The following NKAIN2 variants were observed in gnomAD, a reference collection of about 807,000 sequenced individuals.
NKAIN2 encodes sodium/potassium-transporting ATPase subunit beta-1-interacting protein 2.
In NKAIN2, 14 loss-of-function variants were observed where a neutral mutation model predicts 32.6. The observed-to-expected ratio is 0.43, with a 90% CI of 0.28 to 0.67. The LOEUF is 0.67. Among genes scored for constraint, NKAIN2 ranks in the 30% least tolerant of loss-of-function variants. The probability of loss-of-function intolerance (pLI) is 0.17; values close to 1 mark genes in which losing one functional copy is unlikely to be tolerated. For missense variants in NKAIN2, 198 were observed against 258.3 expected, an observed-to-expected ratio of 0.77 and a Z score of 1.60; for synonymous variants, 80 against 87.2, an observed-to-expected ratio of 0.92 and a Z score of 0.46.
At chr6:124,667,859 T>TA (rs1041948389) in intron 4 of NKAIN2, among the ~76,000 whole-genome samples, 116 of 152,086 alleles carry the variant, frequency 7.6e-4, no homozygotes, top group Non-Finnish European at 1.2e-3. Flanking sequence ...TTTTACACAG[T>TA]AAAAAAAGAG....
chr6:124,125,285 G>T (rs1285982379), intron 1 of NKAIN2, among the ~76,000 whole-genome samples: 1 of 152,116 alleles, frequency 6.6e-6, no homozygotes, highest in African/African-American at 2.4e-5. Context: ...ATGCACACGA[G>T]TGCACACTGT....
At chr6:124,681,065 G>A (rs1773599095) in intron 4 of NKAIN2, among the ~76,000 whole-genome samples, 1 of 151,782 alleles carries the variant, frequency 6.6e-6, no homozygotes, top group African/African-American at 2.4e-5. Context: ...AGATTATTTA[G>A]TATAATTTCT....
At chr6:123,872,829 G>A (rs1278391974) in intron 1 of NKAIN2, among the ~76,000 whole-genome samples, 2 of 152,098 alleles carry the variant, frequency 1.3e-5, no homozygotes, top group African/African-American at 4.8e-5. Context: ...TGTCTAAAAG[G>A]TAAGTGTGAT....
At chr6:124,751,599 T>C (rs993966757) in intron 4 of NKAIN2, among the ~76,000 whole-genome samples, 1 of 151,868 alleles carries the variant, frequency 6.6e-6, no homozygotes, top group Non-Finnish European at 1.5e-5. Flanking sequence ...GTCTATTCAT[T>C]AGCAAATTGC....
intron 3 of NKAIN2, among the ~76,000 whole-genome samples, chr6:124,510,752 T>C (rs1778679413): frequency 6.6e-6 from 1 of 152,174 alleles, no homozygotes; most frequent in Non-Finnish European, 1.5e-5. Flanking sequence ...ACCCTTCTTG[T>C]TACAATTATT....
intron 3 of NKAIN2, among the ~76,000 whole-genome samples, chr6:124,652,115 C>T (rs1784389015): frequency 6.6e-6 from 1 of 152,294 alleles, no homozygotes; most frequent in South Asian, 2.1e-4. Flanking sequence ...ATTTCTTCTG[C>T]CAGATATCCT....
chr6:124,179,679 C>A (rs537543987), intron 1 of NKAIN2, among the ~76,000 whole-genome samples: 1 of 152,216 alleles, frequency 6.6e-6, no homozygotes, highest in Admixed American at 6.5e-5. Context: ...CATGGGTAGG[C>A]GCTGGATATT....
Position 124,170,872 on chromosome 6 carries a change from A to T in NKAIN2, c.55-112133A>T, listed in dbSNP as rs190494342. The stretch of plus-strand genomic sequence containing the variant: ...CTTTCGGTAAACTGATAATTTTCTG[A>T]CAAAATTTATCACATTTGACTCATT... On this transcript the variant is annotated intron_variant, in intron 1 of 6. Coordinates refer to ENST00000368417, the MANE Select transcript of NKAIN2 (RefSeq NM_001040214.3). 2.2e-3 allele frequency among the ~76,000 whole-genome samples: 333 copies of T among 152,282 alleles called. 2 individuals carry two copies. The highest frequency in any genetic ancestry group is 3.5e-3 in the Non-Finnish European group (240 of 68,004).
intron 1 of NKAIN2, among the ~76,000 whole-genome samples, chr6:124,105,615 T>C (rs1785081476): frequency 6.6e-6 from 1 of 152,188 alleles, no homozygotes; most frequent in African/African-American, 2.4e-5. Context: ...GATTGATTTT[T>C]ATAAAAAGAT....
At chr6:124,193,725 C>T (rs1194185246) in intron 1 of NKAIN2, among the ~76,000 whole-genome samples, 1 of 151,992 alleles carries the variant, frequency 6.6e-6, no homozygotes, top group Non-Finnish European at 1.5e-5. Context: ...GTGGAGGGTG[C>T]GCAAGGAGAA....
intron 6 of NKAIN2, among the ~76,000 whole-genome samples, chr6:124,822,923 A>G (rs1781451099): frequency 6.6e-6 from 1 of 152,224 alleles, no homozygotes; most frequent in South Asian, 2.1e-4. Context: ...CCTATAATAT[A>G]TCACACAACA....
intron 3 of NKAIN2, among the ~76,000 whole-genome samples, chr6:124,585,313 A>T (rs1472365699): frequency 1.3e-5 from 2 of 152,232 alleles, no homozygotes; most frequent in African/African-American, 4.8e-5. Flanking sequence ...AGGCTGGGAA[A>T]GGTAGCTGGG....
At chr6:123,856,740 GC>G (rs1217751930) in intron 1 of NKAIN2, among the ~76,000 whole-genome samples, 1 of 152,186 alleles carries the variant, frequency 6.6e-6, no homozygotes, top group African/African-American at 2.4e-5. Flanking sequence ...CTCCACCACA[GC>G]CCTACAGAAT....
intron 4 of NKAIN2, among the ~76,000 whole-genome samples, chr6:124,667,608 A>G (rs995972024): frequency 6.6e-6 from 1 of 152,090 alleles, no homozygotes; most frequent in African/African-American, 2.4e-5. Flanking sequence ...ATCAGTTATT[A>G]TGATACAAAT....
At chr6:124,152,287 T>A (rs1184827747) in intron 1 of NKAIN2, among the ~76,000 whole-genome samples, 4 of 152,014 alleles carry the variant, frequency 2.6e-5, no homozygotes, top group African/African-American at 7.2e-5. Context: ...AATTCTAGTT[T>A]CTCTATTCTG....
At chr6:124,766,003 A>G (rs1778497837) in intron 4 of NKAIN2, among the ~76,000 whole-genome samples, 1 of 152,220 alleles carries the variant, frequency 6.6e-6, no homozygotes, top group South Asian at 2.1e-4. Context: ...AGCTATCTAG[A>G]TAATGGCTAT....
At chr6:124,130,613 T>C (rs537178099) in intron 1 of NKAIN2, among the ~76,000 whole-genome samples, 81 of 17,466 alleles carry the variant, frequency 4.6e-3, no homozygotes, top group African/African-American at 0.017. Context: ...TTTGCCCTTA[T>C]TTTTTTTTTT....
At chr6:124,749,144 C>G (rs1360967564) in intron 4 of NKAIN2, among the ~76,000 whole-genome samples, 1 of 151,772 alleles carries the variant, frequency 6.6e-6, no homozygotes, top group Non-Finnish European at 1.5e-5. Flanking sequence ...AGGGCTGTTC[C>G]AAGCTTCTAG....
At chr6:124,051,436 A>T (rs921874645) in intron 1 of NKAIN2, among the ~76,000 whole-genome samples, 2 of 151,910 alleles carry the variant, frequency 1.3e-5, no homozygotes, top group Non-Finnish European at 2.9e-5. Flanking sequence ...TTGTTTTTTT[A>T]AATTATACTT....
Sources: allele counts gnomAD v4.1 joint callset (sites outside exome capture counted in the v4.1 genomes callset), GRCh38; gene constraint gnomAD v4.1.1; transcripts MANE v1.5; gene names NCBI Gene and HGNC (gene_info 2026-07-23, HGNC 2026-07-21).